RAP1GDS1: variants seen among roughly 807,000 people sequenced by gnomAD.
RAP1GDS1 encodes Rap1 GTPase-GDP dissociation stimulator 1.
A neutral mutation model predicts 71.1 loss-of-function variants in RAP1GDS1; 35 were observed. The observed-to-expected ratio is 0.49, with a 90% CI of 0.38 to 0.65. RAP1GDS1 has a LOEUF of 0.65. Among genes scored for constraint, RAP1GDS1 ranks in the 30% least tolerant of loss-of-function variants. RAP1GDS1 has a pLI of 0.00. For synonymous variants in RAP1GDS1, 229 were observed against 243.1 expected (o/e 0.94, Z 0.54); for missense variants, 663 against 706.1 (o/e 0.94, Z 0.69).
chr4:98,313,052 G>C (rs1730468945), intron 2 of RAP1GDS1, among the ~76,000 whole-genome samples: 2 of 109,636 alleles, frequency 1.8e-5, no homozygotes, highest in Non-Finnish European at 1.7e-5. Context: ...CTGGGTGACA[G>C]AGCAAGACTC....
At chr4:98,348,043 G>A (rs572879001) in intron 3 of RAP1GDS1, among the ~76,000 whole-genome samples, 6 of 152,176 alleles carry the variant, frequency 3.9e-5, no homozygotes, top group Non-Finnish European at 7.4e-5. Context: ...GTACACATGT[G>A]CCATGTTGGT....
Position 98,335,178 on chromosome 4 carries a change from A to G in RAP1GDS1, c.113-7961A>G, listed in dbSNP as rs552789471. Among the ~76,000 whole-genome samples the G allele has an allele frequency of 1.1e-3, 174 of 152,244 alleles. 1 individual carries two copies. The South Asian group carries it at 0.018, about 16-fold the overall frequency. On this transcript the variant is annotated intron_variant, in intron 2 of 14. Transcript: ENST00000408927. The stretch of plus-strand genomic sequence containing the variant: ...TATTAATCTCTCAAAAGTACGGAAA[A>G]TCCCATAAATTCTGTCAGGGTATGT...
intron 6 of RAP1GDS1, among the ~76,000 whole-genome samples, chr4:98,399,992 A>G (rs1255526333): frequency 6.6e-6 from 1 of 152,052 alleles, no homozygotes; most frequent in Non-Finnish European, 1.5e-5. Context: ...ATCTCTGCAA[A>G]AAATTTAAAA....
At chr4:98,360,098 A>G (rs978134361) in intron 4 of RAP1GDS1, among the ~76,000 whole-genome samples, 3 of 152,236 alleles carry the variant, frequency 2.0e-5, no homozygotes, top group Admixed American at 6.5e-5. Context: ...CCAAGATTCT[A>G]TAAAGTTTAC....
At chr4:98,289,554 CAAAAAAAAA>C (rs6148589) in intron 1 of RAP1GDS1, among the ~76,000 whole-genome samples, 4 of 101,988 alleles carry the variant, frequency 3.9e-5, no homozygotes, top group South Asian at 3.2e-4. Context: ...CTCTGGTAAA[CAAAAAAAAA>C]AAAAAAAAAA....
At chr4:98,262,780 A>G (rs1722209259) in intron 1 of RAP1GDS1, among the ~76,000 whole-genome samples, 1 of 152,224 alleles carries the variant, frequency 6.6e-6, no homozygotes, top group South Asian at 2.1e-4. Context: ...AGAATCTTCA[A>G]GAAGTATCTA....
chr4:98,407,384 T>C (rs1475290613), intron 7 of RAP1GDS1, among the ~76,000 whole-genome samples: 1 of 152,122 alleles, frequency 6.6e-6, no homozygotes, highest in African/African-American at 2.4e-5. Context: ...GTAATATATA[T>C]TCTTTTAAAA....
intron 5 of RAP1GDS1, among the ~76,000 whole-genome samples, chr4:98,381,619 G>A (rs1433625626): frequency 6.6e-6 from 1 of 151,478 alleles, no homozygotes; most frequent in Non-Finnish European, 1.5e-5. Context: ...CTTTCTATTA[G>A]CACTAATAAG....
chr4:98,398,995 T>G (rs1233824536), intron 6 of RAP1GDS1, among the ~76,000 whole-genome samples: 4 of 152,146 alleles, frequency 2.6e-5, no homozygotes, highest in African/African-American at 9.7e-5. Flanking sequence ...GGTCATACTA[T>G]TCAAAGCAAT....
intron 12 of RAP1GDS1, among the ~76,000 whole-genome samples, chr4:98,429,937 A>G (rs1750155551): frequency 6.6e-6 from 1 of 152,090 alleles, no homozygotes; most frequent in Non-Finnish European, 1.5e-5. Context: ...TCATGGACAC[A>G]AAAATATGTC....
intron 12 of RAP1GDS1, among the ~76,000 whole-genome samples, chr4:98,426,076 T>C (rs1205086339): frequency 6.6e-6 from 1 of 152,126 alleles, no homozygotes; most frequent in African/African-American, 2.4e-5. Context: ...AAAGGAACCT[T>C]CAAAGCCATG....
intron 3 of RAP1GDS1, among the ~76,000 whole-genome samples, chr4:98,346,836 G>A (rs967096304): frequency 4.6e-5 from 7 of 152,096 alleles, no homozygotes; most frequent in East Asian, 1.9e-4. Flanking sequence ...GAGCCACTGC[G>A]CCCGGCCAGT....
intron 2 of RAP1GDS1, 53 bp downstream of exon 2, chr4:98,293,568 T>A (rs1047633297): frequency 4.5e-6 from 6 of 1,343,872 alleles, no homozygotes; most frequent in Non-Finnish European, 6.3e-6. Flanking sequence ...AAATCAGTAG[T>A]CATTCAGAAA....
intron 4 of RAP1GDS1, among the ~76,000 whole-genome samples, chr4:98,376,658 A>G (rs1443859871): frequency 2.0e-5 from 3 of 152,086 alleles, no homozygotes; most frequent in Non-Finnish European, 2.9e-5. Context: ...AAGCTGTATA[A>G]TCAATCATTC....
chr4:98,416,541 G>A (rs535849363), intron 7 of RAP1GDS1, among the ~76,000 whole-genome samples: 4 of 151,412 alleles, frequency 2.6e-5, no homozygotes, highest in South Asian at 2.1e-4. Context: ...TAGTAGAGAC[G>A]GGGTTTCATG....
At chr4:98,340,477 G>A (rs1735333839) in intron 2 of RAP1GDS1, among the ~76,000 whole-genome samples, 1 of 152,240 alleles carries the variant, frequency 6.6e-6, no homozygotes, top group Non-Finnish European at 1.5e-5. Flanking sequence ...GCTCACACCT[G>A]TAATCCCAGC....
At chr4:98,288,337 C>T (rs1225945389) in intron 1 of RAP1GDS1, among the ~76,000 whole-genome samples, 1 of 152,130 alleles carries the variant, frequency 6.6e-6, no homozygotes, top group Non-Finnish European at 1.5e-5. Context: ...CAGCTTCATC[C>T]ATGTTCCTAC....
At chr4:98,264,471 T>C (rs757905009) in intron 1 of RAP1GDS1, among the ~76,000 whole-genome samples, 4 of 152,032 alleles carry the variant, frequency 2.6e-5, no homozygotes, top group Non-Finnish European at 4.4e-5. Context: ...CCTATATAAC[T>C]TTATGGCCAT....
intron 7 of RAP1GDS1, among the ~76,000 whole-genome samples, chr4:98,410,422 G>T (rs1303834768): frequency 3.9e-5 from 6 of 152,160 alleles, no homozygotes. Flanking sequence ...GTTGATGAGG[G>T]TGTGGAACAG....
Sources: allele counts gnomAD v4.1 joint callset (sites outside exome capture counted in the v4.1 genomes callset), GRCh38; gene constraint gnomAD v4.1.1; transcripts MANE v1.5; gene names NCBI Gene and HGNC (gene_info 2026-07-23, HGNC 2026-07-21).